The following DIS3L2 variants were observed in gnomAD, a reference collection of about 807,000 sequenced individuals.
DIS3L2 encodes the protein DIS3-like exonuclease 2.
In DIS3L2, 34 loss-of-function variants were observed where a neutral mutation model predicts 97.5. That is an observed-to-expected ratio of 0.35 (90% CI 0.27 to 0.46). DIS3L2 has a LOEUF of 0.46. Among genes scored for constraint, DIS3L2 ranks in the 20% least tolerant of loss-of-function variants. DIS3L2 has a pLI of 1.00. For missense variants in DIS3L2, 1,038 were observed against 1,146.0 expected (o/e 0.91, Z 1.36); for synonymous variants, 435 against 445.2 (o/e 0.98, Z 0.29).
chr2:232,127,515 G>A (rs1188710737), intron 6 of DIS3L2, among the ~76,000 whole-genome samples: 1 of 152,076 alleles, frequency 6.6e-6, no homozygotes, highest in Non-Finnish European at 1.5e-5. Context: ...CTTGACTATT[G>A]CAGTAGCTTT....
chr2:232,261,393 G>A (rs932257753), intron 12 of DIS3L2, among the ~76,000 whole-genome samples: 24 of 152,114 alleles, frequency 1.6e-4, no homozygotes, highest in Non-Finnish European at 2.9e-5. Flanking sequence ...CTTCCCTCCT[G>A]TTCTTTTGGA....
At chr2:232,026,695 T>G (rs1694668770) in intron 4 of DIS3L2, among the ~76,000 whole-genome samples, 2 of 152,080 alleles carry the variant, frequency 1.3e-5, no homozygotes, top group Admixed American at 1.3e-4. Flanking sequence ...AGAGGTCCTA[T>G]GGTTCCTGCA....
chr2:232,043,034 A>T (rs1296549241), intron 5 of DIS3L2, among the ~76,000 whole-genome samples: 1 of 152,226 alleles, frequency 6.6e-6, no homozygotes, highest in African/African-American at 2.4e-5. Context: ...GACAGAAGAC[A>T]AAATATTCAC....
chr2:232,217,370 A>G lies in DIS3L2; in HGVS notation c.1204+6965A>G, dbSNP rs1692369501. Among the ~76,000 whole-genome samples, 2 of 152,148 alleles carry G rather than the reference A, an allele frequency of 1.3e-5. 1 individual carries two copies. Among genetic ancestry groups the G allele is most frequent in the South Asian group, 4.1e-4 (2 of 4,832 alleles). ...CAACACAGAAGACTGCTATGACCAA[A>G]TACTTGGGTGCTTTTTTGCCATACA... On this transcript the variant is annotated intron_variant, in intron 10 of 20. Transcript: ENST00000325385.
intron 6 of DIS3L2, among the ~76,000 whole-genome samples, chr2:232,123,414 C>T (rs932222921): frequency 5.3e-5 from 8 of 151,998 alleles, no homozygotes; most frequent in Non-Finnish European, 8.8e-5. Context: ...GAGATAGTAC[C>T]TTATCCGACA....
chr2:232,339,848 C>A (rs1430864957), downstream of DIS3L2: 7 of 393,090 alleles, frequency 1.8e-5, no homozygotes, highest in Admixed American at 1.9e-4. Context: ...TCTCTTCTAG[C>A]CAGAATGGAC....
chr2:232,315,280 C>A (rs1206538967), intron 14 of DIS3L2, among the ~76,000 whole-genome samples: 1 of 152,224 alleles, frequency 6.6e-6, no homozygotes, highest in Non-Finnish European at 1.5e-5. Flanking sequence ...GCAAATGTCT[C>A]TGCTGTAAAA....
chr2:232,223,083 G>A (rs931404801), intron 10 of DIS3L2, among the ~76,000 whole-genome samples: 2 of 152,158 alleles, frequency 1.3e-5, no homozygotes, highest in African/African-American at 4.8e-5. Flanking sequence ...ACCGAATTTG[G>A]ACTGTTGTGT....
intron 3 of DIS3L2, among the ~76,000 whole-genome samples, chr2:232,020,890 T>C (rs1007919602): frequency 7.9e-5 from 12 of 152,102 alleles, no homozygotes; most frequent in African/African-American, 2.9e-4. Flanking sequence ...TTGAGTTTTG[T>C]TTTTATTACT....
At chr2:232,305,937 A>G (rs1397421088) in intron 14 of DIS3L2, among the ~76,000 whole-genome samples, 1 of 152,024 alleles carries the variant, frequency 6.6e-6, no homozygotes, top group Non-Finnish European at 1.5e-5. Flanking sequence ...CCTGGGTGAC[A>G]GAACAAGACC....
intron 1 of DIS3L2, among the ~76,000 whole-genome samples, chr2:231,963,153 A>C (rs1692617077): frequency 6.6e-6 from 1 of 152,220 alleles, no homozygotes. Flanking sequence ...AGAAATCTCC[A>C]AACTGCTTTC....
intron 6 of DIS3L2, among the ~76,000 whole-genome samples, chr2:232,099,075 C>T (rs73001189): frequency 0.011 from 1,717 of 152,222 alleles, 19 homozygotes; most frequent in Non-Finnish European, 0.016. Context: ...TTAAGATTAT[C>T]GTCTGGTTTC....
intron 1 of DIS3L2, among the ~76,000 whole-genome samples, chr2:231,984,148 G>A (rs1693342387): frequency 6.6e-6 from 1 of 151,602 alleles, no homozygotes; most frequent in Non-Finnish European, 1.5e-5. Flanking sequence ...ATCTCCTTTA[G>A]AACATTATTA....
intron 5 of DIS3L2, among the ~76,000 whole-genome samples, chr2:232,084,413 A>C (rs139152979): frequency 9.2e-5 from 14 of 152,316 alleles, no homozygotes; most frequent in Middle Eastern, 6.8e-3. Flanking sequence ...GAAATCTGAA[A>C]TGCTTCACTG....
At chr2:231,962,926 T>G (rs1013653722) in intron 1 of DIS3L2, among the ~76,000 whole-genome samples, 1 of 151,804 alleles carries the variant, frequency 6.6e-6, no homozygotes, top group Admixed American at 6.6e-5. Context: ...CTTCCTTTTT[T>G]GTGGCTGCAT....
intron 3 of DIS3L2, among the ~76,000 whole-genome samples, chr2:232,021,262 A>G (rs1353292599): frequency 6.6e-6 from 1 of 152,102 alleles, no homozygotes; most frequent in East Asian, 1.9e-4. Context: ...TGCAACGTTA[A>G]TAGATAATGA....
chr2:232,104,561 A>G lies in DIS3L2; in HGVS notation c.601+16840A>G, dbSNP rs150074975. On this transcript the variant is annotated intron_variant, in intron 6 of 20. Coordinates refer to ENST00000325385, the MANE Select transcript of DIS3L2 (RefSeq NM_152383.5). The stretch of plus-strand genomic sequence containing the variant: ...ATCCCAAACAGAAGCTCTGTAACCA[A>G]TAACCATCCACTCCTCATTTCTCCC... Among the ~76,000 whole-genome samples, 402 of 152,242 alleles carry G rather than the reference A, an allele frequency of 2.6e-3. 2 individuals are homozygous for G. The highest frequency in any genetic ancestry group is 9.1e-3 in the African/African-American group (376 of 41,542).
At chr2:232,201,441 C>T (rs1691890654) in intron 9 of DIS3L2, among the ~76,000 whole-genome samples, 2 of 152,194 alleles carry the variant, frequency 1.3e-5, no homozygotes, top group African/African-American at 4.8e-5. Context: ...AGACGCTTTA[C>T]AAGACAACTG....
chr2:232,234,032 T>C (rs1280348848), intron 10 of DIS3L2, among the ~76,000 whole-genome samples: 1 of 151,852 alleles, frequency 6.6e-6, no homozygotes, highest in African/African-American at 2.4e-5. Flanking sequence ...TTATGAGAGA[T>C]AGGGAGGGAT....
Sources: allele counts gnomAD v4.1 joint callset (sites outside exome capture counted in the v4.1 genomes callset), GRCh38; gene constraint gnomAD v4.1.1; transcripts MANE v1.5; gene names NCBI Gene and HGNC (gene_info 2026-07-23, HGNC 2026-07-21).